The following ROBO2 variants were observed in gnomAD, a reference collection of about 807,000 sequenced individuals.
ROBO2 encodes the protein roundabout homolog 2.
In ROBO2, 53 loss-of-function variants were observed where a neutral mutation model predicts 160.8. The ratio of observed to expected loss-of-function variants is 0.33; its 90% CI spans 0.26 to 0.41. The LOEUF (loss-of-function observed/expected upper bound fraction) is 0.41. Among genes scored for constraint, ROBO2 ranks in the 10% least tolerant of loss-of-function variants. The pLI is 1.00. For synonymous variants in ROBO2, 664 were observed against 611.7 expected (o/e 1.09, Z -1.26); for missense variants, 1,577 against 1,722.4 (o/e 0.92, Z 1.49).
intron 2 of ROBO2, among the ~76,000 whole-genome samples, chr3:76,771,178 G>A (rs1479194205): frequency 6.6e-6 from 1 of 151,144 alleles, no homozygotes; most frequent in African/African-American, 2.4e-5. Context: ...TGTGCTATTA[G>A]TTTGAAACAT....
chr3:77,489,300 A>G (rs1466228241), intron 4 of ROBO2, among the ~76,000 whole-genome samples: 1 of 152,144 alleles, frequency 6.6e-6, no homozygotes, highest in African/African-American at 2.4e-5. Context: ...CCATGAGCCA[A>G]TGTCAGACTT....
At chr3:77,081,949 C>T (rs1404104057) in intron 1 of ROBO2, among the ~76,000 whole-genome samples, 3 of 152,074 alleles carry the variant, frequency 2.0e-5, no homozygotes, top group African/African-American at 7.2e-5. Context: ...AATACCCTGC[C>T]CTCCAGGAAC....
At chr3:76,240,613 C>T (rs545890609) in intron 2 of ROBO2, among the ~76,000 whole-genome samples, 20 of 152,020 alleles carry the variant, frequency 1.3e-4, no homozygotes, top group Non-Finnish European at 2.5e-4. Flanking sequence ...AAAAAAGATG[C>T]TCTTTGATTT....
chr3:76,561,203 T>C (rs1048404878), intron 2 of ROBO2, among the ~76,000 whole-genome samples: 1 of 151,954 alleles, frequency 6.6e-6, no homozygotes, highest in Admixed American at 6.6e-5. Flanking sequence ...TTATCATGTC[T>C]GCACATCACT....
At chr3:77,363,311 G>A (rs545070109) in intron 2 of ROBO2, among the ~76,000 whole-genome samples, 2 of 152,220 alleles carry the variant, frequency 1.3e-5, no homozygotes, top group East Asian at 1.9e-4. Flanking sequence ...ATTGTTGAAG[G>A]CACCATTTAT....
At chr3:77,158,450 T>C (rs965990706) in intron 2 of ROBO2, among the ~76,000 whole-genome samples, 3 of 152,120 alleles carry the variant, frequency 2.0e-5, no homozygotes, top group African/African-American at 7.2e-5. Flanking sequence ...TAACTGGGGA[T>C]ACTGCAGGAA....
At chr3:75,948,637 G>T (rs1948418582) in intron 2 of ROBO2, among the ~76,000 whole-genome samples, 1 of 152,038 alleles carries the variant, frequency 6.6e-6, no homozygotes, top group Non-Finnish European at 1.5e-5. Context: ...GCACCACGCT[G>T]CAGGGGAATT....
At chr3:76,747,796 TA>T (rs2093918343) in intron 2 of ROBO2, among the ~76,000 whole-genome samples, 1 of 151,968 alleles carries the variant, frequency 6.6e-6, no homozygotes, top group Admixed American at 6.6e-5. Context: ...TGTATGTATT[TA>T]AAAAAATAGT....
chr3:76,548,470 G>C (rs1043150476), intron 2 of ROBO2, among the ~76,000 whole-genome samples: 6 of 152,106 alleles, frequency 3.9e-5, no homozygotes, highest in Non-Finnish European at 7.4e-5. Context: ...TACCATTGAA[G>C]AACAGACATG....
At chr3:76,241,641 T>C (rs1334590503) in intron 2 of ROBO2, among the ~76,000 whole-genome samples, 2 of 152,236 alleles carry the variant, frequency 1.3e-5, no homozygotes, top group African/African-American at 2.4e-5. Flanking sequence ...AATATGTTTC[T>C]GCACAAAATG....
rs186471459 is a variant in ROBO2 at position 76,000,692 on chromosome 3, G to A, written c.109+63090G>A. Among the ~76,000 whole-genome samples, 184 of 151,828 alleles carry A rather than the reference G, an allele frequency of 1.2e-3. 2 individuals carry two copies. The highest frequency in any genetic ancestry group is 3.8e-3 in the African/African-American group (159 of 41,422). On this transcript the variant is annotated intron_variant, in intron 2 of 26. Coordinates refer to the ROBO2 transcript ENST00000487694. ...TTTTTAGTAGAAATGGGGTTTCACC[G>A]TGTTAGCCAGGATGGTGTCGATCTC...
At chr3:76,057,390 C>A (rs1482241078) in intron 2 of ROBO2, among the ~76,000 whole-genome samples, 1 of 152,114 alleles carries the variant, frequency 6.6e-6, no homozygotes, top group African/African-American at 2.4e-5. Context: ...CATTTAGAAT[C>A]TTCGGAAGGT....
At chr3:76,890,197 C>T (rs1444073216) in intron 2 of ROBO2, among the ~76,000 whole-genome samples, 2 of 150,674 alleles carry the variant, frequency 1.3e-5, no homozygotes, top group African/African-American at 2.4e-5. Context: ...AAGTGCCAGG[C>T]GTTGAACTAA....
At chr3:77,038,007 T>G (rs368224491), upstream of ROBO2, among the ~76,000 whole-genome samples, 13 of 152,198 alleles carry the variant, frequency 8.5e-5, no homozygotes, top group Admixed American at 8.5e-4. Context: ...CTGAACTGGG[T>G]AAACCAAGCC....
chr3:77,544,990 A>T (rs1355961807), intron 6 of ROBO2, among the ~76,000 whole-genome samples: 1 of 151,720 alleles, frequency 6.6e-6, no homozygotes, highest in Non-Finnish European at 1.5e-5. Context: ...CTTTCTTAGG[A>T]TTTTTACCCC....
At chr3:76,838,362 A>T (rs534439985) in intron 2 of ROBO2, among the ~76,000 whole-genome samples, 1 of 152,122 alleles carries the variant, frequency 6.6e-6, no homozygotes, top group African/African-American at 2.4e-5. Flanking sequence ...AAACCTTCAC[A>T]TGTACCCCAG....
In ROBO2 at chr3:77,215,430, T is replaced by C. The variant is rs1398877155; in HGVS notation, c.388+117090T>C. Reference sequence around the variant, plus strand: ...TCTCGTGCCGTGGATTTCAGCTCCATCAGGTCCTTTAAGGACTTCTCTGCA... The same window carrying C: ...TCTCGTGCCGTGGATTTCAGCTCCACCAGGTCCTTTAAGGACTTCTCTGCA... On this transcript the variant is annotated intron_variant, in intron 2 of 25. Coordinates refer to ENST00000461745, the Ensembl canonical transcript of ROBO2. Among the ~76,000 whole-genome samples, 3 of 152,198 alleles carry C rather than the reference T, an allele frequency of 2.0e-5. No individual in the cohort carries two copies. In the East Asian group the frequency reaches 5.8e-4, roughly 29 times the overall value.
At chr3:76,474,661 A>T (rs2078835482) in intron 2 of ROBO2, among the ~76,000 whole-genome samples, 1 of 152,142 alleles carries the variant, frequency 6.6e-6, no homozygotes, top group African/African-American at 2.4e-5. Context: ...ATTGTCACAA[A>T]AATACTATGT....
At chr3:76,581,369 A>T (rs1189249641) in intron 2 of ROBO2, among the ~76,000 whole-genome samples, 1 of 152,116 alleles carries the variant, frequency 6.6e-6, no homozygotes, top group Non-Finnish European at 1.5e-5. Flanking sequence ...CAAAATGGAG[A>T]TCCAGAGAAA....
Sources: allele counts gnomAD v4.1 joint callset (sites outside exome capture counted in the v4.1 genomes callset), GRCh38; gene constraint gnomAD v4.1.1; transcripts MANE v1.5; gene names NCBI Gene and HGNC (gene_info 2026-07-23, HGNC 2026-07-21).